Variants in PDE8A observed in about 807,000 individuals in gnomAD.
PDE8A encodes high affinity cAMP-specific and IBMX-insensitive 3',5'-cyclic phosphodiesterase 8A.
Under a neutral mutation model 105.0 loss-of-function variants are expected in PDE8A, and 59 were observed. That is an observed-to-expected ratio of 0.56 (90% CI 0.46 to 0.70). The LOEUF (loss-of-function observed/expected upper bound fraction) is 0.70. PDE8A is among the 30% of genes least tolerant of loss of function. The pLI, the probability that PDE8A is intolerant of heterozygous loss-of-function variation, is 0.00. For synonymous variants in PDE8A, 355 were observed against 371.9 expected (o/e 0.95, Z 0.52); for missense variants, 1,014 against 1,045.9 (o/e 0.97, Z 0.42).
chr15:85,076,893 TTGTC>T (rs2081388157), intron 5 of PDE8A, 106 bp downstream of exon 5: 26 of 816,390 alleles, frequency 3.2e-5, no homozygotes, highest in African/African-American at 2.5e-4. Flanking sequence ...AGAAAAAAAA[TTGTC>T]TGGCCAGGCG....
intron 12 of PDE8A, among the ~76,000 whole-genome samples, chr15:85,112,883 G>A (rs181897991): frequency 3.3e-5 from 5 of 152,236 alleles, no homozygotes; most frequent in Admixed American, 2.6e-4. Context: ...AATCAGTCCA[G>A]ATTAAACATA....
At chr15:85,132,376 A>G (rs973637829) in intron 20 of PDE8A, among the ~76,000 whole-genome samples, 1 of 151,966 alleles carries the variant, frequency 6.6e-6, no homozygotes, top group African/African-American at 2.4e-5. Context: ...ATTAGGTTCT[A>G]TTCACTTTTC....
At chr15:85,019,876 G>T (rs532143962) in intron 1 of PDE8A, among the ~76,000 whole-genome samples, 1 of 151,132 alleles carries the variant, frequency 6.6e-6, no homozygotes, top group Admixed American at 6.6e-5. Flanking sequence ...GCCACTATGC[G>T]TGGCCAGTGT....
At chr15:85,112,295 T>A (rs1215644838) in intron 12 of PDE8A, among the ~76,000 whole-genome samples, 3 of 152,346 alleles carry the variant, frequency 2.0e-5, no homozygotes, top group Admixed American at 6.5e-5. Context: ...CTTTCATTTT[T>A]TTGTGGTGAG....
intron 1 of PDE8A, among the ~76,000 whole-genome samples, chr15:85,021,338 T>TC (rs2080423044): frequency 6.6e-6 from 1 of 152,126 alleles, no homozygotes. Context: ...AGCCAGGAGT[T>TC]CAAGACCAGC....
At chr15:85,082,114 T>C (rs541063589) in intron 5 of PDE8A, among the ~76,000 whole-genome samples, 1 of 152,282 alleles carries the variant, frequency 6.6e-6, no homozygotes, top group East Asian at 1.9e-4. Context: ...AGTGGGTTCC[T>C]GTCCAGTGTT....
intron 20 of PDE8A, among the ~76,000 whole-genome samples, chr15:85,134,974 G>A (rs752261649): frequency 3.9e-5 from 6 of 152,206 alleles, no homozygotes; most frequent in Non-Finnish European, 7.4e-5. Flanking sequence ...CGCAAGTGCC[G>A]GAGCTGGTGC....
chr15:85,063,015 C>T (rs1056102083), intron 1 of PDE8A: 18 of 152,308 alleles, frequency 1.2e-4, no homozygotes, highest in African/African-American at 4.1e-4. Context: ...AGGTAATAAC[C>T]ATGCACTGTC....
rs144105939 is a variant in PDE8A at position 85,042,512 on chromosome 15, C to T, written c.187-21858C>T. The stretch of plus-strand genomic sequence containing the variant: ...GGTTGAGGACAGCATTCAGAAGGTC[C>T]GATGGTTTAATACAAGAAGGAGGCT... On this transcript the variant is annotated intron_variant, in intron 1 of 21. Coordinates refer to ENST00000394553, the MANE Select transcript of PDE8A (RefSeq NM_002605.3). 3.1e-3 allele frequency among the ~76,000 whole-genome samples: 465 copies of T among 152,206 alleles called. 2 individuals are homozygous for T. The highest frequency in any genetic ancestry group is 0.01 in the African/African-American group (435 of 41,536).
chr15:85,038,443 G>T (rs990801055), intron 1 of PDE8A, among the ~76,000 whole-genome samples: 17 of 151,884 alleles, frequency 1.1e-4, no homozygotes, highest in Non-Finnish European at 2.2e-4. Context: ...AGTGCTTTTC[G>T]TATCTGGTTA....
intron 1 of PDE8A, among the ~76,000 whole-genome samples, chr15:85,006,267 T>TATA (rs1006561380): frequency 7.9e-5 from 12 of 151,632 alleles, no homozygotes; most frequent in African/African-American, 2.9e-4. Flanking sequence ...GTATTATTAT[T>TATA]ATAATAATAA....
chr15:85,084,818 C>T (rs1214071977), intron 6 of PDE8A, among the ~76,000 whole-genome samples: 1 of 152,160 alleles, frequency 6.6e-6, no homozygotes, highest in East Asian at 1.9e-4. Context: ...TCCTGTGTAC[C>T]TTAGCTGTCA....
rs1567312843 is a variant in PDE8A, at chr15:85,138,872, C to CTGT, written c.*971_*973dup. The CTGT allele has an allele frequency of 1.3e-5, 2 of 152,146 alleles. No homozygotes were observed. The highest frequency in any genetic ancestry group is 4.8e-5 in the African/African-American group (2 of 41,422). 9.4% of individuals were successfully genotyped at this position (152,146 alleles called of 1,614,324 possible). Reference sequence around the variant, plus strand: ...TTCCAAAAGTCTACTCTATTTTATACTGTTTCTACAAAATATTCCTTATAA... The same window carrying CTGT: ...TTCCAAAAGTCTACTCTATTTTATACTGTTGTTTCTACAAAATATTCCTTATAA... On this transcript the variant is annotated 3_prime_UTR_variant, in exon 22 of 22. Coordinates refer to ENST00000394553, the MANE Select transcript of PDE8A (RefSeq NM_002605.3).
In PDE8A at chr15:84,985,344, C is replaced by G. The variant is rs117550752; in HGVS notation, c.186+2996C>G. On this transcript the variant is annotated intron_variant, in intron 1 of 21. Transcript: ENST00000394553. ...TAAAAATACCCTCTGTCTGTTTATT[C>G]CTTTCGGGAGTTTAAGTTTATGTGG... is the stretch of plus-strand genomic sequence containing the variant. 1.6e-4 allele frequency among the ~76,000 whole-genome samples: 24 copies of G among 152,256 alleles called. No homozygotes were observed. In the East Asian group the frequency reaches 4.6e-3, roughly 29 times the overall value.
At position 85,117,653 on chromosome 15, in the gene PDE8A, T is replaced by C. The variant is rs753440146; in HGVS notation, c.1548T>C (p.Tyr516=). The change falls in exon 17 of 22, where the codon TAT becomes TAC. Residue 516 remains tyrosine (Y), a synonymous_variant. Transcript: ENST00000394553. ...TTTCTGTCTATAGGCCTTTGATTTA[T>C]CTTGGTCTCAAAATGTTTGCTCGCT... ...EAATHNRPLI[Y]LGLKMFARFG... is the part of the protein sequence containing the mutation. 1 of 1,614,058 alleles carries C rather than the reference T, an allele frequency of 6.2e-7. No individual in the cohort carries two copies. Among genetic ancestry groups the C allele is most frequent in the South Asian group, 1.1e-5 (1 of 91,082 alleles).
At position 85,067,064 on chromosome 15, in the gene PDE8A, G is replaced by C. The variant is rs1163723286; in HGVS notation, c.294G>C (p.Arg98Ser). The change falls in exon 3 of 22, where the codon AGG becomes AGC. Residue 98 changes from arginine to serine, a missense_variant. Coordinates refer to ENST00000394553, the MANE Select transcript of PDE8A (RefSeq NM_002605.3). Reference protein sequence around the residue: ...KEDNQCNGFCRACEKAGFKCT... With the variant: ...KEDNQCNGFCSACEKAGFKCT... Reference sequence around the variant, plus strand: ...ATAACCAATGTAATGGATTCTGCAGGGCATGTGAAAAAGCAGGGTTTAAGT... The same window carrying C: ...ATAACCAATGTAATGGATTCTGCAGCGCATGTGAAAAAGCAGGGTTTAAGT... 1 of 1,613,530 alleles carries C rather than the reference G, an allele frequency of 6.2e-7. No homozygotes were observed. Among genetic ancestry groups the C allele is most frequent in the East Asian group, 2.2e-5 (1 of 44,854 alleles).
At chr15:84,987,633 G>A (rs369896768) in intron 1 of PDE8A, among the ~76,000 whole-genome samples, 1 of 151,716 alleles carries the variant, frequency 6.6e-6, no homozygotes, top group Non-Finnish European at 1.5e-5. Flanking sequence ...CACCATGCCC[G>A]GCTAATTTTT....
intron 1 of PDE8A, among the ~76,000 whole-genome samples, chr15:84,997,490 C>G (rs918117745): frequency 2.0e-5 from 3 of 152,082 alleles, no homozygotes; most frequent in Non-Finnish European, 4.4e-5. Flanking sequence ...GCCAACGCAC[C>G]CAGCCTTGAT....
chr15:85,093,144 G>T (rs1300327718), intron 8 of PDE8A, among the ~76,000 whole-genome samples: 2 of 152,166 alleles, frequency 1.3e-5, no homozygotes, highest in African/African-American at 4.8e-5. Flanking sequence ...GGCTCAAGCA[G>T]TCCGATAATC....
Sources: allele counts gnomAD v4.1 joint callset (sites outside exome capture counted in the v4.1 genomes callset), GRCh38; gene constraint gnomAD v4.1.1; transcripts MANE v1.5; gene names NCBI Gene and HGNC (gene_info 2026-07-23, HGNC 2026-07-21).